The following FANCC variants were observed in gnomAD, a reference collection of about 807,000 sequenced individuals.
FANCC encodes the protein FA complementation group C.
A neutral mutation model predicts 71.3 loss-of-function variants in FANCC; 55 were observed. The ratio of observed to expected loss-of-function variants is 0.77; its 90% CI spans 0.62 to 0.97. The LOEUF is 0.97. Ranked by LOEUF, FANCC falls within the 50% of genes least tolerant of loss-of-function variation. FANCC has a pLI of 0.00. For synonymous variants in FANCC, 275 were observed against 244.9 expected, an observed-to-expected ratio of 1.12 and a Z score of -1.15; for missense variants, 678 against 670.9, an observed-to-expected ratio of 1.01 and a Z score of -0.12.
chr9:95,295,725 G>A (rs997289787), intron 1 of FANCC, among the ~76,000 whole-genome samples: 2 of 150,158 alleles, frequency 1.3e-5, no homozygotes, highest in Non-Finnish European at 2.9e-5. Flanking sequence ...CTATGATCAC[G>A]CCACTCATTC....
intron 13 of FANCC, among the ~76,000 whole-genome samples, chr9:95,108,621 A>C (rs1466262204): frequency 1.3e-5 from 2 of 152,230 alleles, no homozygotes; most frequent in Non-Finnish European, 2.9e-5. Context: ...AGAAAGATAA[A>C]AGCTTTCTTT....
In FANCC at chr9:95,135,020, A is replaced by G. The variant is rs543375455; in HGVS notation, c.843+326T>C. 3.9e-5 allele frequency among the ~76,000 whole-genome samples: 6 copies of G among 152,310 alleles called. No homozygotes were observed. In the South Asian group the frequency reaches 6.2e-4, roughly 16 times the overall value. ...TTTTAATTGATTCTTCCTCTTACCC[A>G]TATGTTCATTTCCAAAAACTTATTT... On this transcript the variant is annotated intron_variant, in intron 8 of 14. Transcript: ENST00000289081.
chr9:95,295,381 G>A (rs921481893), intron 1 of FANCC, among the ~76,000 whole-genome samples: 2 of 151,456 alleles, frequency 1.3e-5, no homozygotes, highest in African/African-American at 2.4e-5. Context: ...ACAAAACAAA[G>A]CAAAACAAAA....
intron 13 of FANCC, among the ~76,000 whole-genome samples, chr9:95,108,060 A>G (rs999521266): frequency 6.6e-6 from 1 of 152,248 alleles, no homozygotes; most frequent in South Asian, 2.1e-4. Context: ...GTGAACAGCT[A>G]TGTTCCATCA....
chr9:95,316,299 C>T (rs1818433569), intron 1 of FANCC, among the ~76,000 whole-genome samples: 1 of 152,184 alleles, frequency 6.6e-6, no homozygotes, highest in Admixed American at 6.5e-5. Context: ...TCTGGTACAG[C>T]ACATAACATT....
chr9:95,169,472 C>T (rs898560393), intron 6 of FANCC, among the ~76,000 whole-genome samples: 2 of 152,128 alleles, frequency 1.3e-5, no homozygotes, highest in African/African-American at 2.4e-5. Context: ...TCAGTGCTCC[C>T]GGTCAGTAGA....
At chr9:95,307,111 A>G (rs185373629) in intron 1 of FANCC, among the ~76,000 whole-genome samples, 1 of 152,084 alleles carries the variant, frequency 6.6e-6, no homozygotes, top group Non-Finnish European at 1.5e-5. Flanking sequence ...TCCTGAACTT[A>G]CGGGCTCAAG....
chr9:95,138,870 A>G (rs1828140869), intron 7 of FANCC, among the ~76,000 whole-genome samples: 2 of 152,238 alleles, frequency 1.3e-5, no homozygotes, highest in African/African-American at 4.8e-5. Flanking sequence ...CGCCCATTCT[A>G]GTTTGAAAAC....
intron 1 of FANCC, among the ~76,000 whole-genome samples, chr9:95,306,743 C>T (rs749751768): frequency 5.5e-4 from 84 of 152,292 alleles, no homozygotes; most frequent in Admixed American, 2.2e-3. Context: ...AAAAGCTGTA[C>T]ACACACAATC....
In FANCC at chr9:95,141,121, G is replaced by A. The variant is rs372136160; in HGVS notation, c.687-5619C>T. 1.0e-3 allele frequency among the ~76,000 whole-genome samples: 152 copies of A among 151,762 alleles called. 2 individuals carry two copies. The highest frequency in any genetic ancestry group is 3.6e-3 in the African/African-American group (149 of 41,384). ...GTCCAGGAGTTCAAGACCAGCCTGG[G>A]CAATATGGCAAAACCCAGTCTCTAC... On this transcript the variant is annotated intron_variant, in intron 7 of 14. Transcript: ENST00000289081.
At position 95,099,098 on chromosome 9, in the gene FANCC, C is replaced by A. The variant is rs1453038830; in HGVS notation, c.*2609G>T. The A allele has an allele frequency of 5.0e-5, 10 of 198,050 alleles. No homozygotes were observed. The Admixed American group carries it at 5.5e-4, about 11-fold the overall frequency. 12.3% of individuals were successfully genotyped at this position (198,050 alleles called of 1,614,324 possible). Reference sequence around the variant, plus strand: ...TTATTTAGAATGAAAAAATAGACAACAAATTACAGATTTTAAAGAGCTAAA... The same window carrying A: ...TTATTTAGAATGAAAAAATAGACAAAAAATTACAGATTTTAAAGAGCTAAA... On this transcript the variant is annotated 3_prime_UTR_variant, in exon 15 of 15. Transcript: ENST00000289081.
At chr9:95,282,248 G>T (rs1206332067) in intron 1 of FANCC, among the ~76,000 whole-genome samples, 1 of 152,028 alleles carries the variant, frequency 6.6e-6, no homozygotes, top group African/African-American at 2.4e-5. Context: ...ACCAAAACAG[G>T]AGTGGCTATA....
intron 6 of FANCC, among the ~76,000 whole-genome samples, chr9:95,168,556 C>A (rs1825455269): frequency 6.6e-6 from 1 of 152,198 alleles, no homozygotes; most frequent in Non-Finnish European, 1.5e-5. Context: ...TTCGAGATGG[C>A]ACCTTGCTCT....
chr9:95,305,405 A>G (rs553091287), intron 1 of FANCC, among the ~76,000 whole-genome samples: 1 of 152,314 alleles, frequency 6.6e-6, no homozygotes, highest in Admixed American at 6.5e-5. Flanking sequence ...AAAACAGATT[A>G]AGACTGGTAC....
In FANCC at chr9:95,107,212, A is replaced by G. The variant is rs2134456020; in HGVS notation, c.1387T>C (p.Ser463Pro). ...GCTACCGTCTGCAGGTCCTGGGCTG[A>G]GAGGCTGCTGCTTCTGGACATTGCC... is the stretch of plus-strand genomic sequence containing the variant. ...LLAMSRSSSL[S>P]AQDLQTVAGQ... The change falls in exon 14 of 15, where the codon TCA (serine) becomes CCA (proline). Residue 463 changes from serine to proline, a missense_variant. Coordinates refer to ENST00000289081, the MANE Select transcript of FANCC (RefSeq NM_000136.3). 1.9e-6 allele frequency: 3 copies of G among 1,614,164 alleles called. No homozygotes were observed. The highest frequency in any genetic ancestry group is 2.5e-6 in the Non-Finnish European group (3 of 1,180,028).
chr9:95,105,694 C>A (rs1217983515), intron 14 of FANCC, among the ~76,000 whole-genome samples: 3 of 152,220 alleles, frequency 2.0e-5, no homozygotes, highest in Non-Finnish European at 4.4e-5. Flanking sequence ...TCTCCCTGGA[C>A]TTGACTCTTC....
At chr9:95,190,928 A>C (rs189882271) in intron 4 of FANCC, among the ~76,000 whole-genome samples, 1 of 152,032 alleles carries the variant, frequency 6.6e-6, no homozygotes, top group African/African-American at 2.4e-5. Context: ...AATTTTGTAT[A>C]GTCCCGTGGT....
intron 1 of FANCC, among the ~76,000 whole-genome samples, chr9:95,312,919 G>C (rs886358448): frequency 6.6e-6 from 1 of 152,120 alleles, no homozygotes; most frequent in Non-Finnish European, 1.5e-5. Context: ...AACCACCTTT[G>C]GTAACTTGCC....
intron 7 of FANCC, among the ~76,000 whole-genome samples, chr9:95,144,421 T>G (rs187006357): frequency 5.2e-4 from 79 of 152,268 alleles, no homozygotes; most frequent in Admixed American, 1.6e-3. Context: ...CAAGCAAAAT[T>G]ACAAGCAAGG....
Sources: allele counts gnomAD v4.1 joint callset (sites outside exome capture counted in the v4.1 genomes callset), GRCh38; gene constraint gnomAD v4.1.1; transcripts MANE v1.5; gene names NCBI Gene and HGNC (gene_info 2026-07-23, HGNC 2026-07-21).